The following DENND1B variants were observed in gnomAD, a reference collection of about 807,000 sequenced individuals.
DENND1B encodes the protein DENN domain-containing protein 1B.
Under a neutral mutation model 90.1 loss-of-function variants are expected in DENND1B, and 59 were observed. That is an observed-to-expected ratio of 0.65 (90% CI 0.53 to 0.81). DENND1B has a LOEUF of 0.81. Ranked by LOEUF, DENND1B falls within the 40% of genes least tolerant of loss-of-function variation. The pLI is 0.00. For synonymous variants in DENND1B, 337 were observed against 324.6 expected (o/e 1.04, Z -0.41); for missense variants, 862 against 912.6 (o/e 0.94, Z 0.71).
chr1:197,539,640 T>C (rs1205892292), intron 20 of DENND1B, among the ~76,000 whole-genome samples: 1 of 152,216 alleles, frequency 6.6e-6, no homozygotes, highest in Non-Finnish European at 1.5e-5. Context: ...TTTATTTTTG[T>C]AGTAAAGGAA....
chr1:197,553,915 C>T (rs958069065), intron 15 of DENND1B, among the ~76,000 whole-genome samples: 6 of 151,950 alleles, frequency 3.9e-5, no homozygotes, highest in Non-Finnish European at 7.4e-5. Context: ...CAAAAGCACC[C>T]GAAGATCTTT....
chr1:197,777,641 C>T (rs1035465943), upstream of DENND1B, among the ~76,000 whole-genome samples: 1 of 152,174 alleles, frequency 6.6e-6, no homozygotes, highest in African/African-American at 2.4e-5. Flanking sequence ...AAAGGGCAAA[C>T]CTTCAAATTA....
At chr1:197,769,457 A>T (rs1656123276) in intron 2 of DENND1B, among the ~76,000 whole-genome samples, 1 of 152,198 alleles carries the variant, frequency 6.6e-6, no homozygotes, top group Non-Finnish European at 1.5e-5. Flanking sequence ...TCACAAACAA[A>T]AAAGCAGAGT....
intron 20 of DENND1B, among the ~76,000 whole-genome samples, chr1:197,537,826 G>C (rs540904205): frequency 6.6e-6 from 1 of 151,800 alleles, no homozygotes; most frequent in African/African-American, 2.4e-5. Flanking sequence ...TTTACAGCAT[G>C]GTGAATATAA....
chr1:197,583,422 A>C (rs1674417956), intron 14 of DENND1B, among the ~76,000 whole-genome samples, 169 bp from the exon 15 acceptor site: 1 of 152,160 alleles, frequency 6.6e-6, no homozygotes, highest in African/African-American at 2.4e-5. Flanking sequence ...TCTACTAATA[A>C]GCCTGTACTA....
intron 15 of DENND1B, among the ~76,000 whole-genome samples, chr1:197,566,266 T>C (rs906235639): frequency 2.0e-5 from 3 of 152,160 alleles, no homozygotes; most frequent in Non-Finnish European, 2.9e-5. Context: ...TTTCATGTGT[T>C]TTTTGGCTGC....
chr1:197,741,182 G>A lies in DENND1B; in HGVS notation c.83-26108C>T, dbSNP rs146371395. Among the ~76,000 whole-genome samples the A allele has an allele frequency of 1.6e-3, 237 of 152,174 alleles. No individual in the cohort carries two copies. The East Asian group carries it at 0.034, about 22-fold the overall frequency. ...CTTCCTTCAAATCAAGATAAACACC[G>A]CTGGCTGGTAAAAAATAACATCTCC... On this transcript the variant is annotated intron_variant, in intron 2 of 22. Coordinates refer to ENST00000620048, the MANE Select transcript of DENND1B (RefSeq NM_001195215.2).
rs988740955 is a variant in DENND1B, at chr1:197,505,430, A to G, written c.*5030T>C. 5 of 151,726 alleles carry G rather than the reference A, an allele frequency of 3.3e-5. No homozygotes were observed. The Admixed American group carries it at 3.3e-4, about 10-fold the overall frequency. The allele number at this position is 151,726 out of a possible 1,614,324, so 9.4% of individuals were successfully genotyped here. ...AATAGACTTATAGGTTCATCATATCAAAGAAGTAATCATTTGTGACTTTCC... is the reference window on the plus strand; with the variant it reads ...AATAGACTTATAGGTTCATCATATCGAAGAAGTAATCATTTGTGACTTTCC... On this transcript the variant is annotated 3_prime_UTR_variant, in exon 23 of 23. Transcript: ENST00000620048.
At chr1:197,674,684 A>T (rs1441754879) in intron 3 of DENND1B, among the ~76,000 whole-genome samples, 2 of 148,658 alleles carry the variant, frequency 1.3e-5, no homozygotes, top group East Asian at 4.0e-4. Flanking sequence ...AAAAAAAAAG[A>T]GAGAGAGACT....
At chr1:197,610,595 T>C (rs1340691279) in intron 12 of DENND1B, among the ~76,000 whole-genome samples, 1 of 150,742 alleles carries the variant, frequency 6.6e-6, no homozygotes, top group Admixed American at 6.6e-5. Context: ...AAAATCAAAT[T>C]TGATGACTTT....
chr1:197,693,145 A>T (rs913810089), intron 3 of DENND1B, among the ~76,000 whole-genome samples: 1 of 151,674 alleles, frequency 6.6e-6, no homozygotes, highest in Non-Finnish European at 1.5e-5. Flanking sequence ...CTGTGTCTGC[A>T]TTTTACAAAA....
chr1:197,690,748 T>C (rs1025117722), intron 3 of DENND1B: 1 of 152,352 alleles, frequency 6.6e-6, no homozygotes, highest in Non-Finnish European at 1.5e-5. Flanking sequence ...TGATTAATGA[T>C]AGCAATGCAT....
chr1:197,762,107 T>C (rs1188759966), intron 2 of DENND1B: 1 of 152,140 alleles, frequency 6.6e-6, no homozygotes. Context: ...TTGAACACCA[T>C]TCTCGTGTAA....
At chr1:197,573,061 T>C (rs1436775187) in intron 15 of DENND1B, among the ~76,000 whole-genome samples, 1 of 152,204 alleles carries the variant, frequency 6.6e-6, no homozygotes, top group Non-Finnish European at 1.5e-5. Context: ...TAGCGGTCTA[T>C]CAATTTTGTT....
rs115801667 is a variant in DENND1B at position 197,511,612 on chromosome 1, C to T, written c.1815+116G>A. 5.0e-5 allele frequency: 31 copies of T among 614,094 alleles called. No homozygotes were observed. The African/African-American group carries it at 5.9e-4, about 12-fold the overall frequency. 38.0% of individuals were successfully genotyped at this position (614,094 alleles called of 1,614,324 possible). ...TTTTATCATATTTTTGAAGTTTTGA[C>T]CCTTACCTACTTAGAGGTTAAATGC... On this transcript the variant is annotated intron_variant, in intron 22 of 22. Coordinates refer to ENST00000620048, the MANE Select transcript of DENND1B (RefSeq NM_001195215.2).
chr1:197,591,430 T>C (rs1675194512), intron 14 of DENND1B, among the ~76,000 whole-genome samples: 1 of 152,220 alleles, frequency 6.6e-6, no homozygotes, highest in Non-Finnish European at 1.5e-5. Flanking sequence ...CAGCTTGCCA[T>C]TGACTTTTAC....
In DENND1B at chr1:197,757,025, C is replaced by T. The variant is rs571527181; in HGVS notation, c.82+15843G>A. Among the ~76,000 whole-genome samples the T allele has an allele frequency of 9.5e-4, 143 of 150,894 alleles. 1 individual carries two copies. The Middle Eastern group carries it at 0.021, about 23-fold the overall frequency. On this transcript the variant is annotated intron_variant, in intron 2 of 22. Transcript: ENST00000620048. ...TACACACTATATATATACACAGACA[C>T]ATATATGTATATAAAACAAAAGAAT...
At chr1:197,627,062 G>A (rs1454387055) in intron 10 of DENND1B, among the ~76,000 whole-genome samples, 4 of 151,768 alleles carry the variant, frequency 2.6e-5, no homozygotes, top group Admixed American at 6.6e-5. Context: ...AAAGAGTCCA[G>A]GACCAGATGG....
At chr1:197,614,622 C>T (rs1490275115) in intron 11 of DENND1B, among the ~76,000 whole-genome samples, 1 of 150,850 alleles carries the variant, frequency 6.6e-6, no homozygotes, top group Non-Finnish European at 1.5e-5. Flanking sequence ...TTTTTGGTAG[C>T]AATTCACCTG....
Sources: allele counts gnomAD v4.1 joint callset (sites outside exome capture counted in the v4.1 genomes callset), GRCh38; gene constraint gnomAD v4.1.1; transcripts MANE v1.5; gene names NCBI Gene and HGNC (gene_info 2026-07-23, HGNC 2026-07-21).